The following SUSD5 variants were observed in gnomAD, a reference collection of about 807,000 sequenced individuals.
The protein encoded by SUSD5 is sushi domain-containing protein 5.
In SUSD5, 33 loss-of-function variants were observed where a neutral mutation model predicts 29.5. The observed-to-expected ratio is 1.12, with a 90% CI of 0.85 to 1.49. The LOEUF is 1.49. Among genes scored for constraint, SUSD5 ranks in the 40% most tolerant of loss-of-function variants. The probability of loss-of-function intolerance (pLI) is 0.00; values close to 1 mark genes in which losing one functional copy is unlikely to be tolerated. For synonymous variants in SUSD5, 308 were observed against 325.3 expected, an observed-to-expected ratio of 0.95 and a Z score of 0.57; for missense variants, 776 against 800.6, an observed-to-expected ratio of 0.97 and a Z score of 0.37.
chr3:33,189,878 T>C (rs73047465), intron 3 of SUSD5, among the ~76,000 whole-genome samples: 19,920 of 152,206 alleles, frequency 0.13, 1,560 homozygotes, highest in South Asian at 0.24. Context: ...TTTAAATATA[T>C]TCCCATAACC....
At chr3:33,201,920 T>G (rs940918757) in intron 3 of SUSD5, among the ~76,000 whole-genome samples, 2 of 152,196 alleles carry the variant, frequency 1.3e-5, no homozygotes, top group African/African-American at 4.8e-5. Flanking sequence ...CAAATGCCAC[T>G]GCTTAGGAAG....
intron 4 of SUSD5, among the ~76,000 whole-genome samples, chr3:33,173,630 G>C (rs577603855): frequency 2.6e-5 from 4 of 152,326 alleles, no homozygotes; most frequent in Admixed American, 2.6e-4. Context: ...GTTCTCTCAT[G>C]GGATCTGCAG....
At position 33,173,929 on chromosome 3, in the gene SUSD5, G is replaced by A. The variant is rs149371951; in HGVS notation, c.598+957C>T. ...GGGTGGGGAGGCCAGGCCTGGCTGT[G>A]GCTGGACACAGCGATTTCTGCTGCT... On this transcript the variant is annotated intron_variant, in intron 4 of 4. Transcript: ENST00000309558. Among the ~76,000 whole-genome samples the A allele has an allele frequency of 1.4e-4, 22 of 152,280 alleles. 1 individual carries two copies. Among genetic ancestry groups the A allele is most frequent in the African/African-American group, 5.1e-4 (21 of 41,566 alleles).
At chr3:33,207,125 G>T (rs1197079658) in intron 3 of SUSD5, among the ~76,000 whole-genome samples, 1 of 152,186 alleles carries the variant, frequency 6.6e-6, no homozygotes, top group East Asian at 1.9e-4. Context: ...CCACTCAGCT[G>T]ATTTCCCAAT....
chr3:33,171,836 T>A (rs760839615), intron 4 of SUSD5, among the ~76,000 whole-genome samples: 1 of 152,188 alleles, frequency 6.6e-6, no homozygotes, highest in Non-Finnish European at 1.5e-5. Context: ...TTCCTCCACA[T>A]CTGGAAACAC....
intron 4 of SUSD5, among the ~76,000 whole-genome samples, chr3:33,158,961 T>G (rs2031116798): frequency 6.6e-6 from 1 of 152,204 alleles, no homozygotes; most frequent in South Asian, 2.1e-4. Context: ...AACCCCAGAT[T>G]CTATTTTATT....
At chr3:33,206,798 G>T (rs2032229495) in intron 3 of SUSD5, among the ~76,000 whole-genome samples, 1 of 152,048 alleles carries the variant, frequency 6.6e-6, no homozygotes, top group African/African-American at 2.4e-5. Flanking sequence ...TTACAGAAAG[G>T]GTTCTCAACC....
chr3:33,171,970 T>G (rs753110585), intron 4 of SUSD5, among the ~76,000 whole-genome samples: 2 of 152,144 alleles, frequency 1.3e-5, no homozygotes, highest in Non-Finnish European at 2.9e-5. Flanking sequence ...TGAGACAGTG[T>G]TTACTCAACT....
intron 3 of SUSD5, among the ~76,000 whole-genome samples, chr3:33,196,888 C>G (rs1351878636): frequency 6.6e-6 from 1 of 152,098 alleles, no homozygotes; most frequent in Non-Finnish European, 1.5e-5. Context: ...AAACAAAAAG[C>G]CTGTAGAGTC....
At chr3:33,165,004 A>ACACACACG (rs1451784154) in intron 4 of SUSD5, among the ~76,000 whole-genome samples, 18 of 143,830 alleles carry the variant, frequency 1.3e-4, no homozygotes, top group Non-Finnish European at 1.7e-4. Flanking sequence ...ACACACACAC[A>ACACACACG]CACGTATGAT....
Position 33,174,886 on chromosome 3 carries a change from C to T in SUSD5, c.598G>A (p.Asp200Asn), listed in dbSNP as rs964935537. Residue 200 changes from aspartate (D) to asparagine (N), a missense_variant and splice_region_variant, in exon 4 of 5, where the codon GAT becomes AAT. Physicochemically the swap from Asp to Asn is conservative, Grantham distance 23. Coordinates refer to ENST00000309558, the MANE Select transcript of SUSD5 (RefSeq NM_015551.2). ...GGTGGCCCATCCCTGGGCTGCTTACCTTTCCCACAGGCCTGCACCAGGCCG... is the reference window on the plus strand; with the variant it reads ...GGTGGCCCATCCCTGGGCTGCTTACTTTTCCCACAGGCCTGCACCAGGCCG... ...WYGLVQACGK[D>N]EAEAHIDYED... The T allele has an allele frequency of 6.2e-7, 1 of 1,613,768 alleles. No homozygotes were observed. The highest frequency in any genetic ancestry group is 1.3e-5 in the African/African-American group (1 of 74,942).
intron 3 of SUSD5, among the ~76,000 whole-genome samples, chr3:33,194,138 C>T (rs1485805630): frequency 6.6e-6 from 1 of 152,192 alleles, no homozygotes; most frequent in Non-Finnish European, 1.5e-5. Context: ...GTGGCACCAA[C>T]CCAGGAACTG....
At chr3:33,217,475 A>G (rs1259077866) in intron 1 of SUSD5, among the ~76,000 whole-genome samples, 1 of 152,262 alleles carries the variant, frequency 6.6e-6, no homozygotes, top group Non-Finnish European at 1.5e-5. Flanking sequence ...TGTGAAATAC[A>G]TGTCAATTAA....
intron 1 of SUSD5, among the ~76,000 whole-genome samples, chr3:33,217,672 C>G (rs1428770420): frequency 2.0e-5 from 3 of 151,658 alleles, no homozygotes; most frequent in African/African-American, 7.3e-5. Context: ...TGGCTTTCCC[C>G]TTTTCCTGAC....
intron 3 of SUSD5, among the ~76,000 whole-genome samples, chr3:33,203,311 C>T (rs2032154554): frequency 6.7e-6 from 1 of 148,730 alleles, no homozygotes; most frequent in African/African-American, 2.5e-5. Flanking sequence ...ATCCATCCTG[C>T]TTTTCTGTTA....
At chr3:33,197,766 T>C (rs1428925788) in intron 3 of SUSD5, among the ~76,000 whole-genome samples, 3 of 152,226 alleles carry the variant, frequency 2.0e-5, no homozygotes, top group South Asian at 2.1e-4. Context: ...GCTTAATATA[T>C]AGAGATTCAT....
intron 3 of SUSD5, among the ~76,000 whole-genome samples, chr3:33,176,646 CTT>C (rs1295957883): frequency 6.6e-6 from 1 of 152,186 alleles, no homozygotes; most frequent in Non-Finnish European, 1.5e-5. Context: ...TGCATCATGC[CTT>C]TAGTCTAAGA....
At chr3:33,157,244 G>C (rs1442606415) in intron 4 of SUSD5, among the ~76,000 whole-genome samples, 1 of 152,142 alleles carries the variant, frequency 6.6e-6, no homozygotes, top group Non-Finnish European at 1.5e-5. Flanking sequence ...GGAGCATATG[G>C]GACAGAATCT....
In SUSD5 at chr3:33,150,939, G is replaced by T. The variant is rs965313737; in HGVS notation, c.*1803C>A. On this transcript the variant is annotated 3_prime_UTR_variant, in exon 5 of 5. Coordinates refer to ENST00000309558, the MANE Select transcript of SUSD5 (RefSeq NM_015551.2). ...ACCACTGATAACTATTTCTAAGAAG[G>T]TGATTCATATTAGAAAAATATAACA... The T allele has an allele frequency of 2.0e-5, 3 of 152,140 alleles. No individual in the cohort carries two copies. The highest frequency in any genetic ancestry group is 3.2e-3 in the Middle Eastern group (1 of 316). 9.4% of individuals were successfully genotyped at this position (152,140 alleles called of 1,614,324 possible). A position where few individuals can be genotyped will look rare whatever the true frequency, so the allele number is the denominator to read the frequency against.
Sources: allele counts gnomAD v4.1 joint callset (sites outside exome capture counted in the v4.1 genomes callset), GRCh38; gene constraint gnomAD v4.1.1; transcripts MANE v1.5; gene names NCBI Gene and HGNC (gene_info 2026-07-23, HGNC 2026-07-21).